GRHL2: variants seen among roughly 807,000 people sequenced by gnomAD.
GRHL2 encodes the protein grainyhead like transcription factor 2, also known as grainyhead-like protein 2 homolog.
In GRHL2, 21 loss-of-function variants were observed where a neutral mutation model predicts 83.8. The ratio of observed to expected loss-of-function variants is 0.25; its 90% CI spans 0.18 to 0.36. GRHL2 has a LOEUF of 0.36. Among genes scored for constraint, GRHL2 ranks in the 10% least tolerant of loss-of-function variants. The probability of loss-of-function intolerance (pLI) is 1.00; values close to 1 mark genes in which losing one functional copy is unlikely to be tolerated. For synonymous variants in GRHL2, 280 were observed against 278.9 expected (o/e 1.00, Z -0.04); for missense variants, 623 against 781.8 (o/e 0.80, Z 2.42).
chr8:101,545,552 A>G (rs750135260), intron 2 of GRHL2, among the ~76,000 whole-genome samples: 1 of 147,436 alleles, frequency 6.8e-6, no homozygotes, highest in Non-Finnish European at 1.5e-5. Context: ...TATAGTTTTC[A>G]TTCTTTCTGA....
chr8:101,649,316 C>T, intron 13 of GRHL2, 98 bp from the exon 14 acceptor site: 1 of 917,302 alleles, frequency 1.1e-6, no homozygotes, highest in South Asian at 1.4e-5. Flanking sequence ...CAGGAGGTGC[C>T]ACTCTCCAAC....
intron 14 of GRHL2, among the ~76,000 whole-genome samples, chr8:101,655,763 T>A (rs1166772119): frequency 6.6e-6 from 1 of 152,244 alleles, no homozygotes; most frequent in Admixed American, 6.5e-5. Context: ...TTCTTTATTG[T>A]TATAATTAGG....
intron 1 of GRHL2, among the ~76,000 whole-genome samples, chr8:101,509,122 C>T (rs941847300): frequency 1.7e-5 from 1 of 57,982 alleles, no homozygotes; most frequent in African/African-American, 4.8e-5. Context: ...TCCTTCCTTC[C>T]TTCCTTCCTT....
At chr8:101,507,658 C>A (rs1225251087) in intron 1 of GRHL2, among the ~76,000 whole-genome samples, 2 of 151,888 alleles carry the variant, frequency 1.3e-5, no homozygotes, top group African/African-American at 2.4e-5. Flanking sequence ...TTTTTAATGG[C>A]CCAATAGTTT....
At chr8:101,673,146 T>C (rs957949433), downstream of GRHL2, among the ~76,000 whole-genome samples, 5 of 151,212 alleles carry the variant, frequency 3.3e-5, no homozygotes, top group Admixed American at 6.6e-5. Flanking sequence ...CTGCATCAAC[T>C]AATGAGCAAA....
Position 101,558,711 on chromosome 8 carries a change from G to T in GRHL2, c.577G>T (p.Asp193Tyr). 6.2e-7 allele frequency: 1 copy of T among 1,614,142 alleles called. No individual in the cohort carries two copies. The highest frequency in any genetic ancestry group is 8.5e-7 in the Non-Finnish European group (1 of 1,180,036). ...GGTTATCTTTGAACAGACTCAGTAT[G>T]ACGTGCCCTCGCTGGCCACCCACAG... is the stretch of plus-strand genomic sequence containing the variant. ...RVVIFEQTQY[D>Y]VPSLATHSAY... The change falls in exon 4 of 16, where the codon GAC becomes TAC. Residue 193 changes from aspartate (D) to tyrosine (Y), a missense_variant. Physicochemically the swap from Asp to Tyr is radical, Grantham distance 160. Around this residue, in one of 8 missense-constraint regions of GRHL2, gnomAD observed 239 missense variants for 240.5 expected, o/e 0.99. Coordinates refer to ENST00000646743, the MANE Select transcript of GRHL2 (RefSeq NM_024915.4).
downstream of GRHL2, among the ~76,000 whole-genome samples, chr8:101,673,120 C>A (rs1195802866): frequency 1.3e-5 from 2 of 149,638 alleles, no homozygotes; most frequent in African/African-American, 4.9e-5. Context: ...TAAAGACCAT[C>A]GAGACTAGGA....
chr8:101,590,158 AG>A (rs1812250476), intron 7 of GRHL2, among the ~76,000 whole-genome samples: 1 of 152,208 alleles, frequency 6.6e-6, no homozygotes, highest in Admixed American at 6.5e-5. Flanking sequence ...GAAATACTTT[AG>A]TGCCTCTAAA....
At chr8:101,661,153 G>T (rs1181777047) in intron 14 of GRHL2, among the ~76,000 whole-genome samples, 1 of 151,330 alleles carries the variant, frequency 6.6e-6, no homozygotes, top group Non-Finnish European at 1.5e-5. Context: ...TTTTTAAAAA[G>T]TCCATCAGCT....
chr8:101,589,945 C>T (rs931033621), intron 7 of GRHL2, among the ~76,000 whole-genome samples: 10 of 152,054 alleles, frequency 6.6e-5, no homozygotes, highest in African/African-American at 1.2e-4. Context: ...CAGCCTGGCC[C>T]GTTACAAACT....
chr8:101,514,070 TC>T (rs1810520067), intron 1 of GRHL2, among the ~76,000 whole-genome samples: 1 of 152,122 alleles, frequency 6.6e-6, no homozygotes. Context: ...GGGTCTGTCT[TC>T]TCACCCTTTC....
At chr8:101,551,880 G>T (rs142294236) in intron 2 of GRHL2, among the ~76,000 whole-genome samples, 1 of 150,548 alleles carries the variant, frequency 6.6e-6, no homozygotes, top group Non-Finnish European at 1.5e-5. Flanking sequence ...CTGTCGCCCA[G>T]GCTAGAGTGC....
intron 8 of GRHL2, among the ~76,000 whole-genome samples, chr8:101,602,782 C>A (rs74760923): frequency 0.011 from 1,731 of 152,328 alleles, 24 homozygotes; most frequent in East Asian, 0.05. Context: ...TCATGCCCAA[C>A]TATGTCCCCC....
chr8:101,647,881 G>A (rs1813544561), intron 13 of GRHL2, among the ~76,000 whole-genome samples: 2 of 152,124 alleles, frequency 1.3e-5, no homozygotes. Flanking sequence ...AGGATTGGGA[G>A]GAGGGGGAGG....
chr8:101,526,154 T>G (rs62519108), intron 1 of GRHL2, among the ~76,000 whole-genome samples: 1,655 of 152,304 alleles, frequency 0.011, 20 homozygotes, highest in Middle Eastern at 0.027. Flanking sequence ...TTCACACTGA[T>G]AGTTGGAAAA....
At chr8:101,606,181 G>A (rs1812629460) in intron 8 of GRHL2, among the ~76,000 whole-genome samples, 1 of 152,206 alleles carries the variant, frequency 6.6e-6, no homozygotes, top group Admixed American at 6.5e-5. Flanking sequence ...ATTTACCAGG[G>A]TGGTAATTGG....
intron 7 of GRHL2, among the ~76,000 whole-genome samples, chr8:101,593,241 TG>T (rs1198760512): frequency 6.6e-6 from 1 of 152,140 alleles, no homozygotes; most frequent in Non-Finnish European, 1.5e-5. Context: ...CCACCACGCC[TG>T]GTTGGCATAA....
At chr8:101,555,563 G>A (rs1051836393) in intron 3 of GRHL2, among the ~76,000 whole-genome samples, 2 of 152,114 alleles carry the variant, frequency 1.3e-5, no homozygotes, top group South Asian at 2.1e-4. Flanking sequence ...TAATGTAAAT[G>A]GGTGGTCTGG....
chr8:101,572,846 G>A (rs1052713979), intron 5 of GRHL2, among the ~76,000 whole-genome samples: 5 of 152,250 alleles, frequency 3.3e-5, no homozygotes, highest in African/African-American at 1.2e-4. Context: ...TTTAGAGCAG[G>A]GATCTGCACA....
Sources: allele counts gnomAD v4.1 joint callset (sites outside exome capture counted in the v4.1 genomes callset), GRCh38; gene constraint gnomAD v4.1.1; regional missense constraint gnomAD v4.1.1; transcripts MANE v1.5; gene names NCBI Gene and HGNC (gene_info 2026-07-23, HGNC 2026-07-21).